FGF13: variants seen among roughly 807,000 people sequenced by gnomAD.
FGF13 encodes fibroblast growth factor 13, also known as fibroblast growth factor homologous factor 2.
Under a neutral mutation model 19.5 loss-of-function variants are expected in FGF13, and 2 were observed. The ratio of observed to expected loss-of-function variants is 0.10; its 90% CI spans 0.04 to 0.32. The LOEUF (loss-of-function observed/expected upper bound fraction) is 0.32. Among genes scored for constraint, FGF13 ranks in the 10% least tolerant of loss-of-function variants. The pLI is 1.00. For synonymous variants in FGF13, 72 were observed against 76.9 expected, an observed-to-expected ratio of 0.94 and a Z score of 0.33; for missense variants, 113 against 192.7, an observed-to-expected ratio of 0.59 and a Z score of 2.45.
At chrX:139,168,743 G>A (rs778245841) in intron 1 of FGF13, among the ~76,000 whole-genome samples, 1 of 111,807 alleles carries the variant, frequency 8.9e-6, no homozygotes, top group East Asian at 2.8e-4. Context: ...GGGTCCATGA[G>A]TACCCCCTGG....
At chrX:138,940,275 G>T (rs754728300) in intron 1 of FGF13, among the ~76,000 whole-genome samples, 1 of 111,235 alleles carries the variant, frequency 9.0e-6, no homozygotes, top group Admixed American at 9.5e-5. Flanking sequence ...TTCTAATGGG[G>T]TCATTTTGTT....
intron 1 of FGF13, among the ~76,000 whole-genome samples, chrX:138,732,384 CA>C (rs775959926): frequency 8.9e-6 from 1 of 112,044 alleles, no homozygotes; most frequent in East Asian, 2.8e-4. Flanking sequence ...CATATTCATG[CA>C]ATGGATACTA....
At position 138,779,498 on chromosome X, in the gene FGF13, C is replaced by T. The variant is rs1184901929; in HGVS notation, c.218-70570G>A. On this transcript the variant is annotated intron_variant, in intron 3 of 6. Coordinates refer to the FGF13 transcript ENST00000436198. ...GCTGATGGAGCTGAAAACCAAGGCT[C>T]GAGAACTACGTGAAGAATGCAGAAG... 3.7e-3 allele frequency among the ~76,000 whole-genome samples: 402 copies of T among 108,712 alleles called. 2 individuals carry two copies. The highest frequency in any genetic ancestry group is 0.013 in the African/African-American group (392 of 29,886). The allele number at this position is 108,712 out of a possible 115,157, so 94.4% of individuals were successfully genotyped here.
chrX:138,961,546 G>A (rs772367957), intron 1 of FGF13, among the ~76,000 whole-genome samples: 4 of 111,524 alleles, frequency 3.6e-5, no homozygotes, highest in South Asian at 3.8e-4. Flanking sequence ...GGACGTTAAA[G>A]TCTGCAGAAG....
At chrX:138,864,379 C>T (rs759255688) in intron 2 of FGF13, among the ~76,000 whole-genome samples, 23 of 112,638 alleles carry the variant, frequency 2.0e-4, no homozygotes, top group Admixed American at 6.6e-4. Flanking sequence ...AAACATAAAG[C>T]ACCACTGCTA....
At position 138,628,289 on chromosome X, in the gene FGF13, G is replaced by C. The variant is rs2089083707; in HGVS notation, c.*4561C>G. On this transcript the variant is annotated 3_prime_UTR_variant, in exon 5 of 5. Coordinates refer to ENST00000315930, the MANE Select transcript of FGF13 (RefSeq NM_004114.5). ...TGTAAATATGGTTAAGAATTTGAAG[G>C]GTACTAGTGGCCTGACCTAGCTATA... is the stretch of plus-strand genomic sequence containing the variant. 8.9e-6 allele frequency: 1 copy of C among 111,857 alleles called. No homozygotes were observed. The highest frequency in any genetic ancestry group is 9.5e-5 in the Admixed American group (1 of 10,534). 9.2% of individuals were successfully genotyped at this position (111,857 alleles called of 1,213,427 possible). A position where few individuals can be genotyped will look rare whatever the true frequency, so the allele number is the denominator to read the frequency against.
chrX:138,654,614 A>T (rs1261416649), intron 3 of FGF13, among the ~76,000 whole-genome samples: 1 of 110,863 alleles, frequency 9.0e-6, no homozygotes, highest in Non-Finnish European at 1.9e-5. Context: ...GGTGGCACTC[A>T]CCTGTAATCC....
At chrX:139,060,097 G>C (rs771837198) in intron 1 of FGF13, among the ~76,000 whole-genome samples, 2 of 111,540 alleles carry the variant, frequency 1.8e-5, no homozygotes, top group Non-Finnish European at 3.8e-5. Context: ...TGAATTTAAT[G>C]TACATTTCCC....
intron 1 of FGF13, among the ~76,000 whole-genome samples, chrX:139,072,313 G>A (rs1323760747): frequency 9.3e-6 from 1 of 107,964 alleles, no homozygotes; most frequent in Non-Finnish European, 1.9e-5. Flanking sequence ...ACACACGGAA[G>A]AAAGTCCATG....
intron 1 of FGF13, among the ~76,000 whole-genome samples, chrX:138,969,132 T>C (rs1411727856): frequency 1.8e-5 from 2 of 111,744 alleles, no homozygotes; most frequent in East Asian, 5.7e-4. Flanking sequence ...GCACAGACAA[T>C]GGAGAGTGAC....
intron 1 of FGF13, among the ~76,000 whole-genome samples, chrX:139,002,920 TA>T (rs777695229): frequency 8.9e-6 from 1 of 111,953 alleles, no homozygotes; most frequent in South Asian, 3.8e-4. Context: ...CTCTAAGACT[TA>T]TTGACTTCAG....
At chrX:139,002,033 C>G (rs1162488950) in intron 1 of FGF13, among the ~76,000 whole-genome samples, 1 of 111,453 alleles carries the variant, frequency 9.0e-6, no homozygotes, top group East Asian at 2.8e-4. Context: ...AGTTCATGTC[C>G]TTTGCAGGGA....
rs773973246 is a variant in FGF13 at position 138,886,848 on chromosome X, G to A, written c.-112-22198C>T. Among the ~76,000 whole-genome samples, 11 of 111,981 alleles carry A rather than the reference G, an allele frequency of 9.8e-5. No individual in the cohort carries two copies. The South Asian group carries it at 2.3e-3, about 23-fold the overall frequency. On this transcript the variant is annotated intron_variant, in intron 1 of 2. Transcript: ENST00000421460. ...TAAATTATGACCACAAAGTACTATG[G>A]ATACGATGGTAGGAAACCTGGATTC...
chrX:138,834,488 G>A (rs781336111), intron 3 of FGF13, among the ~76,000 whole-genome samples: 2 of 110,304 alleles, frequency 1.8e-5, no homozygotes, highest in Admixed American at 9.7e-5. Context: ...TGGGGTCAGT[G>A]GTAATATCCC....
upstream of FGF13, among the ~76,000 whole-genome samples, chrX:138,714,465 G>A (rs1243498472): frequency 9.0e-6 from 1 of 111,606 alleles, no homozygotes; most frequent in African/African-American, 3.3e-5. Flanking sequence ...GGCCAACATG[G>A]TGAAACCCTG....
chrX:139,061,527 A>G (rs1318713472), intron 1 of FGF13, among the ~76,000 whole-genome samples: 1 of 111,487 alleles, frequency 9.0e-6, no homozygotes, highest in Non-Finnish European at 1.9e-5. Context: ...CCACAATATT[A>G]TGATGTAGCA....
chrX:139,037,282 T>C (rs1182511794), intron 1 of FGF13, among the ~76,000 whole-genome samples: 1 of 111,418 alleles, frequency 9.0e-6, no homozygotes, highest in Non-Finnish European at 1.9e-5. Flanking sequence ...ACTTTCTCTC[T>C]CCATATACTA....
At chrX:138,776,962 T>C (rs1200177693) in intron 3 of FGF13, among the ~76,000 whole-genome samples, 1 of 111,643 alleles carries the variant, frequency 9.0e-6, no homozygotes, top group Non-Finnish European at 1.9e-5. Flanking sequence ...GAAAACTCTG[T>C]AAGGTGGTAA....
At chrX:138,909,867 A>G (rs1241969002) in intron 1 of FGF13, among the ~76,000 whole-genome samples, 1 of 111,918 alleles carries the variant, frequency 8.9e-6, no homozygotes, top group Non-Finnish European at 1.9e-5. Flanking sequence ...TGGTGGGTAT[A>G]TATGTGAATT....
Sources: gnomAD v4.1 joint callset for allele counts (sites outside exome capture counted in the v4.1 genomes callset) on GRCh38, gnomAD v4.1.1 for gene constraint, MANE v1.5 for transcripts, NCBI Gene and HGNC (gene_info 2026-07-23, HGNC 2026-07-21) for gene names.